The following PRKG1 variants were observed in gnomAD, a reference collection of about 807,000 sequenced individuals.
The protein encoded by PRKG1 is protein kinase cGMP-dependent 1, also known as cGMP-dependent protein kinase 1.
In PRKG1, 35 loss-of-function variants were observed where a neutral mutation model predicts 88.1. That is an observed-to-expected ratio of 0.40 (90% confidence interval 0.30 to 0.53). The LOEUF is 0.53. PRKG1 is among the 20% of genes least tolerant of loss of function. The probability of loss-of-function intolerance (pLI) is 0.59; values close to 1 mark genes in which losing one functional copy is unlikely to be tolerated. For missense variants in PRKG1, 540 were observed against 839.8 expected (o/e 0.64, Z 4.41); for synonymous variants, 303 against 292.5 (o/e 1.04, Z -0.37).
intron 2 of PRKG1, among the ~76,000 whole-genome samples, chr10:51,347,133 T>C (rs951401661): frequency 6.1e-5 from 9 of 148,122 alleles, no homozygotes; most frequent in Non-Finnish European, 9.0e-5. Context: ...GGTTTTTTTT[T>C]CTACCACCAA....
In PRKG1 at chr10:51,757,819, T is replaced by A. The variant is rs187938860; in HGVS notation, c.593-46766T>A. ...ATTTCACCTGTTTCTCCTTTTTATATGGCTAATAGAAAAGATAAAATTAAA... is the reference window on the plus strand; with the variant it reads ...ATTTCACCTGTTTCTCCTTTTTATAAGGCTAATAGAAAAGATAAAATTAAA... On this transcript the variant is annotated intron_variant, in intron 3 of 17. Transcript: ENST00000373980. Among the ~76,000 whole-genome samples the A allele has an allele frequency of 3.3e-5, 5 of 152,356 alleles. No homozygotes were observed. In the East Asian group the frequency reaches 7.7e-4, roughly 23 times the overall value.
chr10:52,019,916 T>C (rs1845139157), intron 5 of PRKG1, among the ~76,000 whole-genome samples: 1 of 152,152 alleles, frequency 6.6e-6, no homozygotes. Flanking sequence ...TTACTTGTAT[T>C]TCAGAGGATC....
chr10:51,133,680 T>C (rs1457674108), intron 1 of PRKG1, among the ~76,000 whole-genome samples: 2 of 152,294 alleles, frequency 1.3e-5, no homozygotes, highest in East Asian at 1.9e-4. Flanking sequence ...AAAAAAGAGA[T>C]GGCCTAGTTC....
chr10:51,875,357 T>C (rs990152113), intron 4 of PRKG1, among the ~76,000 whole-genome samples: 3 of 151,860 alleles, frequency 2.0e-5, no homozygotes, highest in African/African-American at 7.3e-5. Flanking sequence ...ACCAAACAGA[T>C]AAATTTGTAT....
At chr10:51,517,033 G>GT (rs1323500833) in intron 3 of PRKG1, among the ~76,000 whole-genome samples, 1 of 152,098 alleles carries the variant, frequency 6.6e-6, no homozygotes, top group Admixed American at 6.6e-5. Flanking sequence ...AAAAAATACT[G>GT]TTTTTTTCTA....
intron 2 of PRKG1, among the ~76,000 whole-genome samples, chr10:51,299,089 G>C (rs1033757330): frequency 7.2e-5 from 11 of 152,008 alleles, no homozygotes; most frequent in Admixed American, 2.0e-4. Flanking sequence ...CCAATAAAAT[G>C]GTTCAGTTAA....
chr10:51,446,691 G>T (rs989778840), intron 2 of PRKG1, among the ~76,000 whole-genome samples: 1 of 151,956 alleles, frequency 6.6e-6, no homozygotes, highest in Non-Finnish European at 1.5e-5. Flanking sequence ...TCATCCTTTC[G>T]TTCAGGTTCT....
At chr10:51,793,547 A>G (rs1838927584) in intron 3 of PRKG1, among the ~76,000 whole-genome samples, 1 of 152,100 alleles carries the variant, frequency 6.6e-6, no homozygotes, top group Non-Finnish European at 1.5e-5. Flanking sequence ...GGATGGTCAA[A>G]GGTCTCCCAT....
chr10:51,642,018 G>T (rs1259133701), intron 3 of PRKG1, among the ~76,000 whole-genome samples: 1 of 152,154 alleles, frequency 6.6e-6, no homozygotes, highest in Non-Finnish European at 1.5e-5. Context: ...TATAAAAATA[G>T]CTAGTATTTA....
At chr10:51,865,479 A>C (rs1325409199) in intron 4 of PRKG1, among the ~76,000 whole-genome samples, 1 of 152,096 alleles carries the variant, frequency 6.6e-6, no homozygotes, top group East Asian at 1.9e-4. Context: ...AAAAATTATA[A>C]AATTAAGAAA....
intron 9 of PRKG1, among the ~76,000 whole-genome samples, chr10:52,215,223 C>T (rs1840079935): frequency 6.8e-6 from 1 of 147,068 alleles, no homozygotes; most frequent in African/African-American, 2.6e-5. Flanking sequence ...GGTGAAACCC[C>T]ATCTCTACTA....
intron 1 of PRKG1, among the ~76,000 whole-genome samples, chr10:51,148,754 T>C (rs1455107293): frequency 6.6e-6 from 1 of 152,114 alleles, no homozygotes; most frequent in African/African-American, 2.4e-5. Context: ...ATTATAAAAC[T>C]CCCTTATTAA....
intron 7 of PRKG1, among the ~76,000 whole-genome samples, chr10:52,093,915 G>A (rs754671460): frequency 1.9e-4 from 29 of 152,088 alleles, no homozygotes; most frequent in Non-Finnish European, 2.6e-4. Context: ...TGCACACAGC[G>A]GAGGAGCTTA....
At chr10:52,037,902 G>A (rs1159928770) in intron 5 of PRKG1, among the ~76,000 whole-genome samples, 1 of 152,136 alleles carries the variant, frequency 6.6e-6, no homozygotes, top group Non-Finnish European at 1.5e-5. Context: ...TGGTACTGAG[G>A]GGACAGGCGG....
intron 1 of PRKG1, among the ~76,000 whole-genome samples, chr10:51,079,237 G>A (rs1014582832): frequency 6.6e-6 from 1 of 152,108 alleles, no homozygotes; most frequent in East Asian, 1.9e-4. Flanking sequence ...GTGAACAAGG[G>A]GTTAACAATA....
At chr10:51,451,000 A>G (rs1345770347) in intron 2 of PRKG1, among the ~76,000 whole-genome samples, 1 of 151,868 alleles carries the variant, frequency 6.6e-6, no homozygotes, top group African/African-American at 2.4e-5. Flanking sequence ...TTTTTGTGCT[A>G]GGGACCCCTT....
At chr10:51,014,032 C>T (rs903553448) in intron 1 of PRKG1, among the ~76,000 whole-genome samples, 5 of 151,970 alleles carry the variant, frequency 3.3e-5, no homozygotes, top group Non-Finnish European at 7.4e-5. Flanking sequence ...GTGTCTGGAT[C>T]CTTTGGAAAT....
At chr10:51,963,961 G>C (rs1843508584) in intron 5 of PRKG1, among the ~76,000 whole-genome samples, 1 of 152,086 alleles carries the variant, frequency 6.6e-6, no homozygotes, top group Non-Finnish European at 1.5e-5. Context: ...GAGATCAAAA[G>C]TCTGAAACGA....
intron 5 of PRKG1, among the ~76,000 whole-genome samples, chr10:51,931,952 T>A (rs1842703759): frequency 6.6e-6 from 1 of 152,210 alleles, no homozygotes; most frequent in African/African-American, 2.4e-5. Flanking sequence ...GTTACCACTA[T>A]AAATCCTTGA....
Sources: allele counts gnomAD v4.1 joint callset (sites outside exome capture counted in the v4.1 genomes callset), GRCh38; gene constraint gnomAD v4.1.1; transcripts MANE v1.5; gene names NCBI Gene and HGNC (gene_info 2026-07-23, HGNC 2026-07-21).